CYRIB: variants seen among roughly 807,000 people sequenced by gnomAD.
The protein encoded by CYRIB is CYFIP-related Rac1 interactor B.
A neutral mutation model predicts 44.2 loss-of-function variants in CYRIB; 8 were observed. The ratio of observed to expected loss-of-function variants is 0.18; its 90% CI spans 0.11 to 0.33. CYRIB has a LOEUF of 0.33. Among genes scored for constraint, CYRIB ranks in the 10% least tolerant of loss-of-function variants. CYRIB has a pLI of 1.00. For missense variants in CYRIB, 185 were observed against 382.8 expected, an observed-to-expected ratio of 0.48 and a Z score of 4.31; for synonymous variants, 131 against 127.2, an observed-to-expected ratio of 1.03 and a Z score of -0.20.
chr8:129,943,789 C>A (rs781002798), upstream of CYRIB, among the ~76,000 whole-genome samples: 2 of 150,010 alleles, frequency 1.3e-5, no homozygotes, highest in East Asian at 4.0e-4. Flanking sequence ...TTAGTAGAGA[C>A]GGGGTTTCAC....
At chr8:130,016,794 CG>C (rs2134855445), upstream of CYRIB, 1 of 151,518 alleles carries the variant, frequency 6.6e-6, no homozygotes, top group East Asian at 2.0e-4. Context: ...CCTCCCGAGC[CG>C]GGGCGCCACG....
exon 1 of CYRIB, chr8:130,016,419 T>A (rs952714102): frequency 6.7e-6 from 1 of 149,158 alleles, no homozygotes; most frequent in African/African-American, 2.5e-5. Context: ...CGCAGGAGCC[T>A]CGGAGCCTCC....
intron 2 of CYRIB, chr8:129,901,728 A>G (rs1315112444): frequency 2.0e-5 from 3 of 152,230 alleles, no homozygotes; most frequent in Non-Finnish European, 2.9e-5. Context: ...AACAAACTAC[A>G]GTAGTATTAG....
At chr8:129,977,618 A>G (rs113530279) in intron 1 of CYRIB, among the ~76,000 whole-genome samples, 4,817 of 150,694 alleles carry the variant, frequency 0.032, 264 homozygotes, top group African/African-American at 0.11. Context: ...TGCAAACTCC[A>G]CCTCCCAGGT....
chr8:129,886,563 C>T (rs2062826911), intron 2 of CYRIB, among the ~76,000 whole-genome samples: 1 of 152,152 alleles, frequency 6.6e-6, no homozygotes, highest in Admixed American at 6.5e-5. Flanking sequence ...ATCTAACACT[C>T]AGCATCTTTT....
intron 2 of CYRIB, chr8:129,880,583 G>T: frequency 4.1e-6 from 1 of 243,004 alleles, no homozygotes; most frequent in Non-Finnish European, 6.6e-6. Flanking sequence ...TTTTGGCATT[G>T]AGAATTTGGA....
chr8:129,862,429 C>T lies in CYRIB; in HGVS notation c.196-95G>A, dbSNP rs538274245. ...TAGGCTTTAGCAAACATAGGAAACA[C>T]TGGTATAATCCATAAAATATAGAAT... is the stretch of plus-strand genomic sequence containing the variant. On this transcript the variant is annotated intron_variant, in intron 4 of 11. Transcript: ENST00000519824. 4.5e-6 allele frequency: 4 copies of T among 890,704 alleles called. No individual in the cohort carries two copies. In the East Asian group the frequency reaches 7.7e-5, roughly 17 times the overall value. The allele number at this position is 890,704 out of a possible 1,614,324, so 55.2% of individuals were successfully genotyped here.
intron 2 of CYRIB, among the ~76,000 whole-genome samples, chr8:129,885,482 A>C (rs1019112689): frequency 1.3e-5 from 2 of 152,224 alleles, no homozygotes; most frequent in African/African-American, 4.8e-5. Flanking sequence ...CACACTAACC[A>C]GCTTCACTTT....
chr8:129,957,964 CAA>C (rs371857313), intron 2 of CYRIB, among the ~76,000 whole-genome samples: 5,623 of 103,670 alleles, frequency 0.054, 129 homozygotes, highest in Middle Eastern at 0.092. Context: ...GACTCCATCT[CAA>C]AAAAAAAAAA....
At chr8:129,960,786 A>C (rs535550187) in intron 2 of CYRIB, among the ~76,000 whole-genome samples, 2 of 151,212 alleles carry the variant, frequency 1.3e-5, no homozygotes, top group African/African-American at 4.9e-5. Context: ...CCCCATCTCC[A>C]CTAAAAATAC....
chr8:129,877,663 G>GT (rs3222125), intron 3 of CYRIB, among the ~76,000 whole-genome samples: 10,343 of 129,566 alleles, frequency 0.08, 647 homozygotes, highest in African/African-American at 0.19. Context: ...AAAAAAAAAA[G>GT]GTGTGTGTGT....
At chr8:129,901,799 CACA>C (rs1316193722) in intron 2 of CYRIB, 3 of 152,152 alleles carry the variant, frequency 2.0e-5, no homozygotes, top group East Asian at 3.8e-4. Context: ...AATTTTTGCA[CACA>C]ACATCTATTT....
intron 2 of CYRIB, chr8:129,896,655 ATAAAC>A (rs2068219684): frequency 6.6e-6 from 1 of 152,248 alleles, no homozygotes. Context: ...TCCATTACTT[ATAAAC>A]ATGCCACCCA....
In CYRIB at chr8:129,922,993, G is replaced by A. The variant is rs954855855; in HGVS notation, c.-50+16615C>T. On this transcript the variant is annotated intron_variant, in intron 1 of 11. Coordinates refer to ENST00000519824, the Ensembl canonical transcript of CYRIB. ...TCCTGTAATCCCAGCACTTTGGAAGGCAGGGGTGGGCGGATCACCTGAGGT... is the reference window on the plus strand; with the variant it reads ...TCCTGTAATCCCAGCACTTTGGAAGACAGGGGTGGGCGGATCACCTGAGGT... 5.9e-5 allele frequency among the ~76,000 whole-genome samples: 9 copies of A among 151,786 alleles called. No individual in the cohort carries two copies. In the South Asian group the frequency reaches 1.2e-3, roughly 21 times the overall value.
chr8:129,862,807 A>G (rs2132371663), intron 4 of CYRIB, among the ~76,000 whole-genome samples: 1 of 152,258 alleles, frequency 6.6e-6, no homozygotes, highest in Admixed American at 6.5e-5. Flanking sequence ...GCTAAGGGTG[A>G]GTCTTCTCAA....
At position 129,960,962 on chromosome 8, in the gene CYRIB, A is replaced by AAG. The variant is rs1554714377; in HGVS notation, c.-243+9980_-243+9981insCT. Among the ~76,000 whole-genome samples, 125 of 150,018 alleles carry AAG rather than the reference A, an allele frequency of 8.3e-4. 1 individual carries two copies. In the South Asian group the frequency reaches 0.025, roughly 30 times the overall value. On this transcript the variant is annotated intron_variant, in intron 2 of 14. Coordinates refer to the CYRIB transcript ENST00000401979. ...AAGACTCAGTCTCAAAAAAAAAAAA[A>AAG]AAAGAAAGAAAGAAAGAAAGAAACT... is the stretch of plus-strand genomic sequence containing the variant.
chr8:129,900,772 C>G (rs1297784011), intron 2 of CYRIB, among the ~76,000 whole-genome samples: 5 of 152,130 alleles, frequency 3.3e-5, no homozygotes, highest in Non-Finnish European at 7.4e-5. Flanking sequence ...CTCCGCCTCC[C>G]AGGCTCAAGC....
chr8:129,950,968 G>A (rs1040379518), intron 2 of CYRIB, among the ~76,000 whole-genome samples: 1 of 152,208 alleles, frequency 6.6e-6, no homozygotes, highest in South Asian at 2.1e-4. Context: ...CAGAAATGAA[G>A]GGTTTGCTCT....
chr8:129,968,271 T>G (rs2095561255), intron 2 of CYRIB, among the ~76,000 whole-genome samples: 1 of 152,228 alleles, frequency 6.6e-6, no homozygotes, highest in Admixed American at 6.5e-5. Context: ...CTATGTCTAA[T>G]CTGTCATTTA....
Sources: allele counts gnomAD v4.1 joint callset (sites outside exome capture counted in the v4.1 genomes callset), GRCh38; gene constraint gnomAD v4.1.1; transcripts MANE v1.5; gene names NCBI Gene and HGNC (gene_info 2026-07-23, HGNC 2026-07-21).